Variants in FHIT observed in about 807,000 individuals in gnomAD.
FHIT encodes the protein fragile histidine triad diadenosine triphosphatase, also known as bis(5'-adenosyl)-triphosphatase.
A neutral mutation model predicts 17.9 loss-of-function variants in FHIT; 19 were observed. The ratio of observed to expected loss-of-function variants is 1.06; its 90% CI spans 0.74 to 1.56. The LOEUF (loss-of-function observed/expected upper bound fraction) is 1.56, where lower values mean the gene tolerates loss of function less well. FHIT is among the 40% of genes most tolerant of loss of function. The pLI, the probability that FHIT is intolerant of heterozygous loss-of-function variation, is 0.00. For synonymous variants in FHIT, 81 were observed against 69.7 expected (o/e 1.16, Z -0.81); for missense variants, 248 against 189.2 (o/e 1.31, Z -1.82).
At chr3:59,965,016 C>T (rs1247935602) in intron 7 of FHIT, among the ~76,000 whole-genome samples, 1 of 152,020 alleles carries the variant, frequency 6.6e-6, no homozygotes, top group Non-Finnish European at 1.5e-5. Context: ...AAATCATGTT[C>T]ATAGGAATTA....
intron 5 of FHIT, among the ~76,000 whole-genome samples, chr3:60,077,729 C>CATATATATATAT (rs1403752107): frequency 0.022 from 1,484 of 67,230 alleles, 32 homozygotes; most frequent in African/African-American, 0.069. Flanking sequence ...CACACACACA[C>CATATATATATAT]ATATATAGAG....
chr3:60,674,243 A>G (rs1240081929), intron 4 of FHIT, among the ~76,000 whole-genome samples: 1 of 151,974 alleles, frequency 6.6e-6, no homozygotes, highest in Non-Finnish European at 1.5e-5. Context: ...TATAATATAG[A>G]TTTGTTTCTT....
intron 2 of FHIT, among the ~76,000 whole-genome samples, chr3:61,126,246 CA>C (rs1422645380): frequency 2.1e-4 from 30 of 141,978 alleles, no homozygotes; most frequent in African/African-American, 8.2e-4. Flanking sequence ...AGACAGAAAA[CA>C]AAAGTAAAAA....
At position 60,789,175 on chromosome 3, in the gene FHIT, T is replaced by TATAGAG. The variant is rs1433649739; in HGVS notation, c.-18+32743_-18+32744insCTCTAT. Among the ~76,000 whole-genome samples the TATAGAG allele has an allele frequency of 4.5e-3, 462 of 102,628 alleles. 3 individuals carry two copies. Among genetic ancestry groups the TATAGAG allele is most frequent in the African/African-American group, 0.014 (402 of 28,874 alleles). The allele number at this position is 102,628 out of a possible 152,430, so 67.3% of individuals were successfully genotyped here. On this transcript the variant is annotated intron_variant, in intron 4 of 9. Coordinates refer to ENST00000492590, the MANE Select transcript of FHIT (RefSeq NM_002012.4). ...GTGTGTGTATATATATATATATATA[T>TATAGAG]AGAGAGAGAGAGAGAGAGAGAGAGA...
At chr3:60,083,721 C>T (rs1703383221) in intron 5 of FHIT, among the ~76,000 whole-genome samples, 1 of 152,158 alleles carries the variant, frequency 6.6e-6, no homozygotes, top group Non-Finnish European at 1.5e-5. Flanking sequence ...TGCAACAACT[C>T]AACTCTGCCA....
intron 5 of FHIT, among the ~76,000 whole-genome samples, chr3:60,029,905 G>GTGTC (rs1163704530): frequency 3.2e-4 from 47 of 147,448 alleles, no homozygotes; most frequent in African/African-American, 6.9e-4. Context: ...GTCTGTGTGT[G>GTGTC]TGTGTGTGTG....
intron 5 of FHIT, among the ~76,000 whole-genome samples, chr3:60,457,147 A>G (rs1299334123): frequency 6.6e-6 from 1 of 152,180 alleles, no homozygotes; most frequent in East Asian, 1.9e-4. Flanking sequence ...AAAAGAACAA[A>G]GCTGGAGGCA....
At chr3:60,143,649 A>G (rs182540124) in intron 5 of FHIT, among the ~76,000 whole-genome samples, 2 of 152,220 alleles carry the variant, frequency 1.3e-5, no homozygotes, top group East Asian at 3.9e-4. Flanking sequence ...CAAAATGATG[A>G]CACTTTTTAA....
chr3:60,796,677 G>A lies in FHIT; in HGVS notation c.-18+25242C>T, dbSNP rs535604389. 5.9e-5 allele frequency among the ~76,000 whole-genome samples: 9 copies of A among 152,210 alleles called. No individual in the cohort carries two copies. In the South Asian group the frequency reaches 1.5e-3, roughly 25 times the overall value. ...GGCTCACTGCAACCTCTGCTTCCTGGGTCAAGCAATTCCCCTGCCTCAGCC... is the reference window on the plus strand; with the variant it reads ...GGCTCACTGCAACCTCTGCTTCCTGAGTCAAGCAATTCCCCTGCCTCAGCC... On this transcript the variant is annotated intron_variant, in intron 4 of 9. Transcript: ENST00000492590.
At chr3:60,053,684 C>CA (rs982364656) in intron 5 of FHIT, among the ~76,000 whole-genome samples, 24 of 151,946 alleles carry the variant, frequency 1.6e-4, no homozygotes, top group Non-Finnish European at 3.4e-4. Context: ...CCCACCCCCG[C>CA]TTTTTTGCTT....
intron 8 of FHIT, among the ~76,000 whole-genome samples, chr3:59,873,785 C>A (rs1167680030): frequency 6.6e-6 from 1 of 152,034 alleles, no homozygotes; most frequent in Non-Finnish European, 1.5e-5. Flanking sequence ...CAATTTACAC[C>A]CACTGTCCTA....
chr3:61,172,387 AG>A (rs2038031380), intron 2 of FHIT, among the ~76,000 whole-genome samples: 1 of 152,218 alleles, frequency 6.6e-6, no homozygotes, highest in Non-Finnish European at 1.5e-5. Flanking sequence ...TGTAAGGAAA[AG>A]GACATAAGTG....
intron 1 of FHIT, among the ~76,000 whole-genome samples, chr3:61,234,266 G>A (rs913156032): frequency 2.6e-5 from 4 of 152,178 alleles, no homozygotes; most frequent in Non-Finnish European, 5.9e-5. Context: ...ACGTGGCCCA[G>A]CATTCCCACT....
chr3:59,949,983 G>A (rs1707033314), intron 7 of FHIT, among the ~76,000 whole-genome samples: 1 of 152,168 alleles, frequency 6.6e-6, no homozygotes, highest in African/African-American at 2.4e-5. Flanking sequence ...AATCTCTAAT[G>A]AGGACCAGGC....
rs576002842 is a variant in FHIT, at chr3:60,887,642, G to A, written c.-110-65631C>T. Among the ~76,000 whole-genome samples the A allele has an allele frequency of 4.2e-4, 64 of 151,914 alleles. 1 individual carries two copies. Among genetic ancestry groups the A allele is most frequent in the Non-Finnish European group, 7.2e-4 (49 of 67,976 alleles). On this transcript the variant is annotated intron_variant, in intron 3 of 9. Coordinates refer to ENST00000492590, the MANE Select transcript of FHIT (RefSeq NM_002012.4). ...GCCTGGGCAACAAGAGTGAAACTCC[G>A]TCCCAAAACAAAAAACAAAAAAAAA... is the stretch of plus-strand genomic sequence containing the variant.
rs200877306 is a variant in FHIT at position 60,301,006 on chromosome 3, A to AAAGCATCTC, written c.103+235845_103+235853dup. Among the ~76,000 whole-genome samples the AAAGCATCTC allele has an allele frequency of 4.2e-3, 641 of 152,070 alleles. 2 individuals are homozygous for AAAGCATCTC. Among genetic ancestry groups the AAAGCATCTC allele is most frequent in the African/African-American group, 0.015 (610 of 41,496 alleles). ...CAGCTAGATCATCTTTCAAGCACCC[A>AAAGCATCTC]AAGCATCTCTCCCGAGTCCATTCTA... On this transcript the variant is annotated intron_variant, in intron 5 of 9. Coordinates refer to ENST00000492590, the MANE Select transcript of FHIT (RefSeq NM_002012.4).
chr3:61,152,181 C>G (rs1316338485), intron 2 of FHIT, among the ~76,000 whole-genome samples: 1 of 152,012 alleles, frequency 6.6e-6, no homozygotes, highest in Non-Finnish European at 1.5e-5. Context: ...TGAAACTTAA[C>G]GAATGGGTAA....
At chr3:60,373,469 C>G (rs1373492350) in intron 5 of FHIT, among the ~76,000 whole-genome samples, 2 of 152,152 alleles carry the variant, frequency 1.3e-5, no homozygotes, top group Non-Finnish European at 2.9e-5. Context: ...AGAGAATAAG[C>G]AGAGCCACCA....
chr3:60,447,680 A>T (rs995466), intron 5 of FHIT, among the ~76,000 whole-genome samples: 24,798 of 151,994 alleles, frequency 0.16, 2,254 homozygotes, highest in Admixed American at 0.27. Flanking sequence ...AAATCACAAG[A>T]CACCCACTAG....
Sources: gnomAD v4.1 joint callset for allele counts (sites outside exome capture counted in the v4.1 genomes callset) on GRCh38, gnomAD v4.1.1 for gene constraint, MANE v1.5 for transcripts, NCBI Gene and HGNC (gene_info 2026-07-23, HGNC 2026-07-21) for gene names.